SQLE: variants seen among roughly 807,000 people sequenced by gnomAD.
The protein encoded by SQLE is squalene epoxidase.
A neutral mutation model predicts 60.7 loss-of-function variants in SQLE; 29 were observed. That is an observed-to-expected ratio of 0.48 (90% CI 0.36 to 0.65). The LOEUF is 0.65. SQLE is among the 30% of genes least tolerant of loss of function. SQLE has a pLI of 0.00. For missense variants in SQLE, 605 were observed against 684.1 expected (o/e 0.88, Z 1.29); for synonymous variants, 237 against 246.8 (o/e 0.96, Z 0.37).
chr8:125,000,597 G>C (rs563985345), intron 1 of SQLE, among the ~76,000 whole-genome samples: 2 of 151,934 alleles, frequency 1.3e-5, no homozygotes, highest in Non-Finnish European at 2.9e-5. Context: ...ACAGGTGCAC[G>C]CCACCACTCC....
intron 6 of SQLE, among the ~76,000 whole-genome samples, chr8:125,010,272 A>G (rs920522332): frequency 2.0e-5 from 3 of 152,232 alleles, no homozygotes; most frequent in Non-Finnish European, 4.4e-5. Flanking sequence ...TAAAGGCTTC[A>G]TGAGATTTAG....
intron 4 of SQLE, 128 bp from the exon 5 acceptor site, chr8:125,008,843 T>C (rs1258116933): frequency 7.0e-6 from 4 of 572,856 alleles, no homozygotes; most frequent in Non-Finnish European, 1.1e-5. Context: ...AATAGTATTA[T>C]CTTCAACTAC....
chr8:125,001,028 AT>A (rs1232674231), intron 1 of SQLE, among the ~76,000 whole-genome samples: 5 of 152,194 alleles, frequency 3.3e-5, no homozygotes, highest in Non-Finnish European at 5.9e-5. Context: ...GTAGCTGTTA[AT>A]ATTAGCCTAG....
At chr8:125,013,877 A>C (rs1388431328) in intron 7 of SQLE, among the ~76,000 whole-genome samples, 2 of 152,144 alleles carry the variant, frequency 1.3e-5, no homozygotes, top group Non-Finnish European at 2.9e-5. Context: ...CTGAAAGGTA[A>C]GGGTTTCTTT....
chr8:125,009,106 G>T, intron 5 of SQLE, 22 bp downstream of exon 5: 1 of 1,571,754 alleles, frequency 6.4e-7, no homozygotes, highest in Non-Finnish European at 8.6e-7. Flanking sequence ...GTGTGTTATT[G>T]TAATTTCAAT....
At position 125,021,579 on chromosome 8, in the gene SQLE, A is replaced by T. The variant is rs564183176; in HGVS notation, c.1533-174A>T. ...GTTTGCTCCTGCCATCAAACTTAAC[A>T]TGCAGACATATTTGTGACGTCCTCT... On this transcript the variant is annotated intron_variant, in intron 10 of 10. Coordinates refer to ENST00000265896, the MANE Select transcript of SQLE (RefSeq NM_003129.4). Among the ~76,000 whole-genome samples, 21 of 151,838 alleles carry T rather than the reference A, an allele frequency of 1.4e-4. No individual in the cohort carries two copies. The South Asian group carries it at 1.5e-3, about 11-fold the overall frequency.
intron 7 of SQLE, among the ~76,000 whole-genome samples, chr8:125,015,373 T>G (rs758435904): frequency 1.3e-5 from 2 of 152,016 alleles, no homozygotes; most frequent in Non-Finnish European, 2.9e-5. Context: ...CGAGTGGAGT[T>G]TAGTCCATCT....
At chr8:125,021,715 T>C (rs1563601455) in intron 10 of SQLE, 38 bp from the exon 11 acceptor site, 2 of 1,462,728 alleles carry the variant, frequency 1.4e-6, no homozygotes, top group South Asian at 2.7e-5. Context: ...AAATTTTAGT[T>C]TCTGAGTCTT....
chr8:125,005,798 T>G lies in SQLE; in HGVS notation c.725+93T>G, dbSNP rs1814937763. ...ATAAGATTTTATAAATTTTAATGAA[T>G]TTTTGGGGCATAGTCTAGAACATAT... On this transcript the variant is annotated intron_variant, in intron 3 of 10. Coordinates refer to ENST00000265896, the MANE Select transcript of SQLE (RefSeq NM_003129.4). 3.6e-6 allele frequency: 4 copies of G among 1,125,666 alleles called. No homozygotes were observed. The Admixed American group carries it at 1.3e-4, about 37-fold the overall frequency. 69.7% of individuals were successfully genotyped at this position (1,125,666 alleles called of 1,614,324 possible). A position where few individuals can be genotyped will look rare whatever the true frequency, so the allele number is the denominator to read the frequency against.
chr8:125,003,138 A>C, intron 1 of SQLE, 38 bp from the exon 2 acceptor site: 1 of 1,544,468 alleles, frequency 6.5e-7, no homozygotes, highest in Non-Finnish European at 8.7e-7. Flanking sequence ...GAATCTAACA[A>C]ATTTGGATAC....
In SQLE at chr8:124,998,805, CGGCGTT is replaced by C; in HGVS notation, c.-592_-587del. On this transcript the variant is annotated 5_prime_UTR_variant, in exon 1 of 11. Transcript: ENST00000265896. ...GGCCATCTTTTGTTGGAGAAGGCGT[CGGCGTT>C]GGCGTTTTCCCGAGGTTGGGCTGTA... The C allele has an allele frequency of 1.0e-5, 5 of 492,040 alleles. No individual in the cohort carries two copies. Among genetic ancestry groups the C allele is most frequent in the Non-Finnish European group, 1.8e-5 (5 of 276,346 alleles). The allele number at this position is 492,040 out of a possible 1,614,324, so 30.5% of individuals were successfully genotyped here. A position where few individuals can be genotyped will look rare whatever the true frequency, so the allele number is the denominator to read the frequency against.
chr8:125,007,319 A>T, intron 3 of SQLE, 72 bp from the exon 4 acceptor site: 3 of 1,143,346 alleles, frequency 2.6e-6, no homozygotes, highest in Non-Finnish European at 2.5e-6. Flanking sequence ...TAAACTGGAG[A>T]TAAGGAATTT....
At chr8:125,015,195 T>C (rs1210407483) in intron 7 of SQLE, among the ~76,000 whole-genome samples, 1 of 152,228 alleles carries the variant, frequency 6.6e-6, no homozygotes, top group Non-Finnish European at 1.5e-5. Flanking sequence ...GAAATCTATT[T>C]TACTGATGTA....
chr8:125,009,272 T>C lies in SQLE; in HGVS notation c.1037T>C (p.Val346Ala), dbSNP rs1397474036. The part of the protein sequence containing the change: ...QISSSETRVL[V>A]DIRGEMPRNL... ...TCATCCAGTGAAACTCGAGTACTTGTTGACATTAGAGGAGAAATGCCAAGG... is the reference window on the plus strand; with the variant it reads ...TCATCCAGTGAAACTCGAGTACTTGCTGACATTAGAGGAGAAATGCCAAGG... The change falls in exon 6 of 11, where the codon GTT (valine) becomes GCT (alanine). Residue 346 changes from valine to alanine, a missense_variant. Physicochemically the swap from Val to Ala is moderately conservative, Grantham distance 64. Transcript: ENST00000265896. 6.2e-7 allele frequency: 1 copy of C among 1,613,884 alleles called. No homozygotes were observed. Among genetic ancestry groups the C allele is most frequent in the South Asian group, 1.1e-5 (1 of 91,074 alleles).
At chr8:125,013,776 T>G (rs1815073786) in intron 7 of SQLE, among the ~76,000 whole-genome samples, 1 of 152,232 alleles carries the variant, frequency 6.6e-6, no homozygotes, top group South Asian at 2.1e-4. Flanking sequence ...TTTGTTTGTG[T>G]GTGGATATTC....
rs1242066366 is a variant in SQLE, at chr8:125,020,886, C to T, written c.1532+15C>T. 3 of 1,595,186 alleles carry T rather than the reference C, an allele frequency of 1.9e-6. No homozygotes were observed. Among genetic ancestry groups the T allele is most frequent in the Non-Finnish European group, 2.6e-6 (3 of 1,163,652 alleles). On this transcript the variant is annotated intron_variant, in intron 10 of 10. Coordinates refer to ENST00000265896, the MANE Select transcript of SQLE (RefSeq NM_003129.4). ...CTGCTTTCTGTGTAAGTTGTGATGG[C>T]ACAGAGGATACAAACCTGCCAGATT...
At chr8:125,017,256 G>C (rs1476167477) in intron 7 of SQLE, among the ~76,000 whole-genome samples, 3 of 151,930 alleles carry the variant, frequency 2.0e-5, no homozygotes, top group Non-Finnish European at 2.9e-5. Context: ...TGGGAGCCAG[G>C]GCCTGGAGTT....
At position 124,999,180 on chromosome 8, in the gene SQLE, A is replaced by G. The variant is rs997398919; in HGVS notation, c.-224A>G. On this transcript the variant is annotated 5_prime_UTR_variant, in exon 1 of 11. It adds an upstream start codon to the 5' untranslated region. Coordinates refer to ENST00000265896, the MANE Select transcript of SQLE (RefSeq NM_003129.4). ...CTGTTCCAGCAGGCGATTTTTAAAT[A>G]CTGCTTTCTACGCCCTATACAACTT... The G allele has an allele frequency of 2.5e-5, 10 of 403,702 alleles. No homozygotes were observed. The highest frequency in any genetic ancestry group is 4.1e-5 in the African/African-American group (2 of 48,704). 25.0% of individuals were successfully genotyped at this position (403,702 alleles called of 1,614,324 possible).
At chr8:125,001,148 A>G (rs1399358474) in intron 1 of SQLE, among the ~76,000 whole-genome samples, 1 of 152,080 alleles carries the variant, frequency 6.6e-6, no homozygotes, top group Non-Finnish European at 1.5e-5. Context: ...CTTAATGTTT[A>G]ATTTGAACTT....
Sources: allele counts gnomAD v4.1 joint callset (sites outside exome capture counted in the v4.1 genomes callset), GRCh38; gene constraint gnomAD v4.1.1; transcripts MANE v1.5; gene names NCBI Gene and HGNC (gene_info 2026-07-23, HGNC 2026-07-21).